The following PAPSS1 variants were observed in gnomAD, a reference collection of about 807,000 sequenced individuals.
PAPSS1 encodes bifunctional 3'-phosphoadenosine 5'-phosphosulfate synthase 1.
In PAPSS1, 50 loss-of-function variants were observed where a neutral mutation model predicts 72.0. The observed-to-expected ratio is 0.69, with a 90% CI of 0.55 to 0.88. The LOEUF is 0.88. Ranked by LOEUF, PAPSS1 falls within the 40% of genes least tolerant of loss-of-function variation. The probability of loss-of-function intolerance (pLI) is 0.00; values close to 1 mark genes in which losing one functional copy is unlikely to be tolerated. For missense variants in PAPSS1, 657 were observed against 782.2 expected, an observed-to-expected ratio of 0.84 and a Z score of 1.91; for synonymous variants, 261 against 263.6, an observed-to-expected ratio of 0.99 and a Z score of 0.09.
In PAPSS1 at chr4:107,700,123, C is replaced by T. The variant is rs181745503; in HGVS notation, c.175+1048G>A. On this transcript the variant is annotated intron_variant, in intron 2 of 11. Coordinates refer to ENST00000265174, the MANE Select transcript of PAPSS1 (RefSeq NM_005443.5). ...TTCTTTCATACAAAAACAAACAGAC[C>T]TGTCTAAAAATGAAACATGATTAAA... Among the ~76,000 whole-genome samples, 24 of 152,120 alleles carry T rather than the reference C, an allele frequency of 1.6e-4. No homozygotes were observed. In the East Asian group the frequency reaches 4.4e-3, roughly 28 times the overall value.
At chr4:107,640,041 C>T (rs1005587990) in intron 10 of PAPSS1, among the ~76,000 whole-genome samples, 2 of 152,192 alleles carry the variant, frequency 1.3e-5, no homozygotes, top group African/African-American at 4.8e-5. Context: ...ACTTCATAAA[C>T]CGAGGGTATA....
At chr4:107,679,769 C>G (rs1578417390) in intron 5 of PAPSS1, among the ~76,000 whole-genome samples, 3 of 151,826 alleles carry the variant, frequency 2.0e-5, no homozygotes, top group African/African-American at 7.2e-5. Context: ...ACTTCCACCC[C>G]CCCAGATTCA....
At chr4:107,700,751 ATCTTGGACT>A (rs768813101) in intron 2 of PAPSS1, among the ~76,000 whole-genome samples, 4 of 152,124 alleles carry the variant, frequency 2.6e-5, no homozygotes, top group Non-Finnish European at 5.9e-5. Context: ...TAGTCCCTCA[ATCTTGGACT>A]TCCCAGCCTC....
chr4:107,697,943 G>C (rs1213487620), intron 2 of PAPSS1, among the ~76,000 whole-genome samples: 2 of 152,144 alleles, frequency 1.3e-5, no homozygotes, highest in African/African-American at 4.8e-5. Context: ...CACACACCAA[G>C]GACTGCCAGC....
At chr4:107,627,388 T>C (rs550088857) in intron 11 of PAPSS1, among the ~76,000 whole-genome samples, 232 of 152,324 alleles carry the variant, frequency 1.5e-3, no homozygotes, top group African/African-American at 5.4e-3. Flanking sequence ...ATTGTGTTCA[T>C]AATCCCTTAT....
At chr4:107,648,432 G>T (rs1238792855) in intron 9 of PAPSS1, among the ~76,000 whole-genome samples, 1 of 152,144 alleles carries the variant, frequency 6.6e-6, no homozygotes, top group Admixed American at 6.5e-5. Flanking sequence ...AATGAATGAG[G>T]TGATAAGCAG....
At chr4:107,614,969 A>ATT (rs10681522) in intron 11 of PAPSS1, among the ~76,000 whole-genome samples, 2,037 of 150,186 alleles carry the variant, frequency 0.014, 39 homozygotes, top group East Asian at 0.087. Flanking sequence ...CTAAAACTAG[A>ATT]TTTTTTTTTT....
chr4:107,666,990 G>A (rs1727336398), intron 5 of PAPSS1, among the ~76,000 whole-genome samples: 1 of 152,094 alleles, frequency 6.6e-6, no homozygotes, highest in Admixed American at 6.5e-5. Context: ...TGGCTGAAGG[G>A]CTCCTAGACA....
chr4:107,616,888 TGG>T (rs1283882940), intron 11 of PAPSS1, among the ~76,000 whole-genome samples: 2 of 152,202 alleles, frequency 1.3e-5, no homozygotes, highest in Non-Finnish European at 2.9e-5. Flanking sequence ...TATCTAAATC[TGG>T]ACTATTCATA....
intron 2 of PAPSS1, among the ~76,000 whole-genome samples, chr4:107,697,100 T>A (rs992790103): frequency 6.6e-6 from 1 of 152,162 alleles, no homozygotes; most frequent in Non-Finnish European, 1.5e-5. Flanking sequence ...GAGACCACCA[T>A]GCTAACGTGA....
Position 107,654,702 on chromosome 4 carries a change from T to G in PAPSS1, c.1094A>C (p.Tyr365Ser), listed in dbSNP as rs1261562217. The G allele has an allele frequency of 6.2e-7, 1 of 1,612,374 alleles. No homozygotes were observed. The highest frequency in any genetic ancestry group is 1.3e-5 in the African/African-American group (1 of 74,984). The change falls in exon 8 of 12, where the codon TAT (tyrosine) becomes TCT (serine). Residue 365 changes from tyrosine to serine, a missense_variant. Around this residue, in one of 7 missense-constraint regions of PAPSS1, gnomAD observed 190 missense variants for 176.7 expected, o/e 1.07. Coordinates refer to ENST00000265174, the MANE Select transcript of PAPSS1 (RefSeq NM_005443.5). ...QWGTTCKNHPYIKMVMEQGDW... is the reference protein window; with the variant it reads ...QWGTTCKNHPSIKMVMEQGDW... ...GCGAGGTTTTTTCAGCACCTTAATATAGGGGTGGTTCTTGCATGTCGTTCC... is the reference window on the plus strand; with the variant it reads ...GCGAGGTTTTTTCAGCACCTTAATAGAGGGGTGGTTCTTGCATGTCGTTCC...
At chr4:107,679,616 T>A in intron 5 of PAPSS1, among the ~76,000 whole-genome samples, 1 of 150,726 alleles carries the variant, frequency 6.6e-6, no homozygotes, top group Non-Finnish European at 1.5e-5. Flanking sequence ...TCAAGAGATA[T>A]GACAAAGAAA....
chr4:107,625,088 T>C (rs950958932), intron 11 of PAPSS1, among the ~76,000 whole-genome samples: 3 of 152,162 alleles, frequency 2.0e-5, no homozygotes, highest in African/African-American at 7.2e-5. Flanking sequence ...AGGGTAAAGG[T>C]AAAGCTGGTT....
intron 1 of PAPSS1, among the ~76,000 whole-genome samples, chr4:107,706,132 T>C (rs1244030209): frequency 1.3e-5 from 2 of 152,214 alleles, no homozygotes; most frequent in African/African-American, 4.8e-5. Flanking sequence ...GGTAGTCTTG[T>C]TTGGATTGAA....
At chr4:107,640,633 T>C (rs2110308802) in intron 10 of PAPSS1, among the ~76,000 whole-genome samples, 1 of 152,208 alleles carries the variant, frequency 6.6e-6, no homozygotes, top group Admixed American at 6.5e-5. Context: ...ACAAGTTAGG[T>C]CCTCGAGAAA....
chr4:107,632,114 A>G (rs1321768418), intron 10 of PAPSS1, among the ~76,000 whole-genome samples: 1 of 152,122 alleles, frequency 6.6e-6, no homozygotes, highest in Non-Finnish European at 1.5e-5. Flanking sequence ...TGTATTACTT[A>G]TAAGATATAT....
chr4:107,626,649 C>T (rs1726109047), intron 11 of PAPSS1, among the ~76,000 whole-genome samples: 1 of 152,166 alleles, frequency 6.6e-6, no homozygotes, highest in South Asian at 2.1e-4. Flanking sequence ...CATTGTCTTA[C>T]ATTGGTATTT....
intron 10 of PAPSS1, among the ~76,000 whole-genome samples, chr4:107,640,937 A>C (rs536688288): frequency 6.6e-6 from 1 of 152,140 alleles, no homozygotes. Flanking sequence ...GCAGGCACCC[A>C]GAACAACTAA....
chr4:107,644,342 T>C (rs1449066144), intron 10 of PAPSS1, among the ~76,000 whole-genome samples: 5 of 152,170 alleles, frequency 3.3e-5, no homozygotes, highest in Non-Finnish European at 7.3e-5. Context: ...TCCCTATACC[T>C]AGAGGAAAGG....
Sources: gnomAD v4.1 joint callset for allele counts (sites outside exome capture counted in the v4.1 genomes callset) on GRCh38, gnomAD v4.1.1 for gene constraint, gnomAD v4.1.1 regional missense constraint, MANE v1.5 for transcripts, NCBI Gene and HGNC (gene_info 2026-07-23, HGNC 2026-07-21) for gene names.